The following ASPM variants were observed in gnomAD, a reference collection of about 807,000 sequenced individuals.
ASPM encodes the protein assembly factor for spindle microtubules.
Under a neutral mutation model 366.4 loss-of-function variants are expected in ASPM, and 256 were observed. The ratio of observed to expected loss-of-function variants is 0.70; its 90% CI spans 0.63 to 0.77. The LOEUF (loss-of-function observed/expected upper bound fraction) is 0.77, where lower values mean the gene tolerates loss of function less well. Ranked by LOEUF, ASPM falls within the 30% of genes least tolerant of loss-of-function variation. The pLI is 0.00. For synonymous variants in ASPM, 1,414 were observed against 1,342.9 expected (o/e 1.05, Z -1.16); for missense variants, 4,146 against 4,090.4 (o/e 1.01, Z -0.37).
Position 197,102,145 on chromosome 1 carries a change from T to G in ASPM, c.7106A>C (p.Gln2369Pro), listed in dbSNP as rs372076208. The G allele has an allele frequency of 1.7e-5, 27 of 1,612,896 alleles. No individual in the cohort carries two copies. In the African/African-American group the frequency reaches 3.1e-4, roughly 18 times the overall value. Residue 2369 changes from glutamine (Q) to proline (P), a missense_variant, in exon 18 of 28, where the codon CAA (glutamine) becomes CCA (proline). Coordinates refer to ENST00000367409, the MANE Select transcript of ASPM (RefSeq NM_018136.5). ...QASVVIQQQY[Q>P]ANRAAKLQRQ... is the part of the protein sequence containing the mutation. ...CTGCAGTTTTGCAGCTCTATTTGCTTGGTATTGCTGTTGGATCACAACGGA... is the reference window on the plus strand; with the variant it reads ...CTGCAGTTTTGCAGCTCTATTTGCTGGGTATTGCTGTTGGATCACAACGGA...
chr1:197,124,453 T>TA (rs1259569113), intron 12 of ASPM, 122 bp from the exon 13 acceptor site: 15 of 791,474 alleles, frequency 1.9e-5, no homozygotes, highest in East Asian at 1.6e-4. Context: ...ACCAGGAAGT[T>TA]AAAAAAATCA....
At position 197,102,293 on chromosome 1, in the gene ASPM, A is replaced by G. The variant is rs1427525049; in HGVS notation, c.6958T>C (p.Ser2320Pro). 1.9e-6 allele frequency: 3 copies of G among 1,612,662 alleles called. No homozygotes were observed. The highest frequency in any genetic ancestry group is 2.5e-6 in the Non-Finnish European group (3 of 1,179,272). The change falls in exon 18 of 28, where the codon TCA becomes CCA. Residue 2320 changes from serine (S) to proline (P), a missense_variant. By Grantham distance (74) the Ser-to-Pro change is moderately conservative. This residue lies in a region of ASPM where 3,624 missense variants were observed against 3,591.7 expected (regional missense o/e 1.01). Transcript: ENST00000367409. ...QVQNAVIKIQ[S>P]SYRRWMIRKR... ...CTTATCATCCATCTTCTGTATGATGACTGGATTTTAATAACTGCATTTTGT... is the reference window on the plus strand; with the variant it reads ...CTTATCATCCATCTTCTGTATGATGGCTGGATTTTAATAACTGCATTTTGT...
At chr1:197,107,681 A>G (rs1657455115) in intron 17 of ASPM, among the ~76,000 whole-genome samples, 1 of 152,166 alleles carries the variant, frequency 6.6e-6, no homozygotes. Context: ...GTTGAAACTA[A>G]TGGAAAGATA....
At chr1:197,090,117 A>G (rs1656729912) in intron 24 of ASPM, 33 bp from the exon 25 acceptor site, 1 of 1,613,210 alleles carries the variant, frequency 6.2e-7, no homozygotes, top group East Asian at 2.2e-5. Flanking sequence ...ACACACAGGT[A>G]AATTTACAGC....
At chr1:197,135,623 C>CTTTTTTTTTTTTTTT (rs778898963) in intron 4 of ASPM, among the ~76,000 whole-genome samples, 3 of 69,806 alleles carry the variant, frequency 4.3e-5, no homozygotes, top group African/African-American at 1.1e-4. Flanking sequence ...AAATATCTGT[C>CTTTTTTTTTTTTTTT]TTTTTTTTTT....
At chr1:197,129,413 C>A in intron 8 of ASPM, 96 bp from the exon 9 acceptor site, 2 of 1,374,810 alleles carry the variant, frequency 1.5e-6, no homozygotes, top group Admixed American at 1.9e-5. Flanking sequence ...GTTAGTAAAA[C>A]AAAAAGTGTA....
At chr1:197,114,859 C>T (rs1011890023) in intron 17 of ASPM, among the ~76,000 whole-genome samples, 1 of 152,216 alleles carries the variant, frequency 6.6e-6, no homozygotes, top group Non-Finnish European at 1.5e-5. Flanking sequence ...AGGGATTTGC[C>T]TGCCTCAGCC....
chr1:197,095,480 T>G (rs1435276905), intron 19 of ASPM, among the ~76,000 whole-genome samples: 2 of 151,782 alleles, frequency 1.3e-5, no homozygotes, highest in Non-Finnish European at 2.9e-5. Flanking sequence ...GGTAACAGCT[T>G]CTGAAAATGT....
At chr1:197,097,412 CG>C (rs1243207104) in intron 18 of ASPM, among the ~76,000 whole-genome samples, 2 of 151,634 alleles carry the variant, frequency 1.3e-5, no homozygotes, top group Admixed American at 1.3e-4. Context: ...GATGTTAATC[CG>C]ACTGGGTCGG....
In ASPM at chr1:197,143,738, T is replaced by G; in HGVS notation, c.514A>C (p.Ile172Leu). The change falls in exon 3 of 28, where the codon ATT becomes CTT. Residue 172 changes from isoleucine to leucine, a missense_variant. Physicochemically the swap from Ile to Leu is conservative, Grantham distance 5. This residue lies in a region of ASPM where 512 missense variants were observed against 471.7 expected (regional missense o/e 1.09). Transcript: ENST00000367409. The part of the protein sequence containing the change: ...STSHNRRVSN[I>L]QNVNKTFSVS... The stretch of plus-strand genomic sequence containing the variant: ...CTAAATGTTTTATTAACATTCTGAA[T>G]ATTTGAAACCCTTCTGTTGTGACTT... 1 of 1,613,698 alleles carries G rather than the reference T, an allele frequency of 6.2e-7. No homozygotes were observed. The highest frequency in any genetic ancestry group is 1.1e-5 in the South Asian group (1 of 90,996).
Position 197,142,392 on chromosome 1 carries a change from C to A in ASPM, c.1860G>T (p.Val620=). ...KTSAVKKTKN[V]TTPISKRISN... ...TAATACGTTTTGAGATGGGTGTTGT[C>A]ACATTTTTTGTTTTCTTAACAGCTG... Residue 620 remains valine (V), a synonymous_variant, in exon 3 of 28, where the codon GTG becomes GTT. Coordinates refer to ENST00000367409, the MANE Select transcript of ASPM (RefSeq NM_018136.5). 1 of 1,613,840 alleles carries A rather than the reference C, an allele frequency of 6.2e-7. No homozygotes were observed. Among genetic ancestry groups the A allele is most frequent in the South Asian group, 1.1e-5 (1 of 91,044 alleles).
chr1:197,099,502 TACTC>T (rs1408990565), intron 18 of ASPM, among the ~76,000 whole-genome samples: 1 of 151,726 alleles, frequency 6.6e-6, no homozygotes, highest in Non-Finnish European at 1.5e-5. Context: ...ACTTAAATGT[TACTC>T]ACTCTGGGAA....
At chr1:197,093,970 AAC>A (rs1656879403) in intron 20 of ASPM, 112 bp downstream of exon 20, 2 of 712,034 alleles carry the variant, frequency 2.8e-6, no homozygotes, top group South Asian at 4.0e-5. Flanking sequence ...AGGTCTTAAA[AAC>A]ACTTTTTTTC....
chr1:197,128,552 A>C lies in ASPM; in HGVS notation c.2874T>G (p.Phe958Leu). 1 of 1,613,944 alleles carries C rather than the reference A, an allele frequency of 6.2e-7. No individual in the cohort carries two copies. Residue 958 changes from phenylalanine (F) to leucine (L), a missense_variant, in exon 10 of 28, where the codon TTT becomes TTG. Phe to Leu is a conservative substitution (Grantham distance 22, BLOSUM62 0). Transcript: ENST00000367409. ...GLPVNHVQTP[F>L]DEFDFAVTNL... ...TTGTAACGGCAAAATCAAATTCATCAAATGGTGTCTGAACATGGTTAACAG... is the reference window on the plus strand; with the variant it reads ...TTGTAACGGCAAAATCAAATTCATCCAATGGTGTCTGAACATGGTTAACAG...
chr1:197,110,946 A>T (rs2125099454), intron 17 of ASPM, among the ~76,000 whole-genome samples: 1 of 152,284 alleles, frequency 6.6e-6, no homozygotes, highest in Middle Eastern at 3.4e-3. Flanking sequence ...TGCAAGATGG[A>T]TTAAAGACTT....
chr1:197,122,450 A>C lies in ASPM; in HGVS notation c.3536T>G (p.Leu1179Ter). The change falls in exon 14 of 28, where the codon TTA becomes TGA. Residue 1179 changes from leucine (L) to a stop codon, truncating the protein, a stop_gained. Coordinates refer to ENST00000367409, the MANE Select transcript of ASPM (RefSeq NM_018136.5). LOFTEE classifies it high-confidence loss of function. Reference protein sequence around the residue: ...VECTQTGSVVLNSSSESDDSS... With the variant: ...VECTQTGSVV Reference sequence around the variant, plus strand: ...GTCATCAGATTCAGATGATGAATTTAATACCACTGAACCAGTTTGCGTACA... The same window carrying C: ...GTCATCAGATTCAGATGATGAATTTCATACCACTGAACCAGTTTGCGTACA... 1 of 1,613,896 alleles carries C rather than the reference A, an allele frequency of 6.2e-7. No homozygotes were observed. The highest frequency in any genetic ancestry group is 8.5e-7 in the Non-Finnish European group (1 of 1,179,820).
intron 17 of ASPM, among the ~76,000 whole-genome samples, chr1:197,116,378 T>C (rs993526480): frequency 5.3e-5 from 8 of 152,162 alleles, no homozygotes; most frequent in African/African-American, 1.7e-4. Flanking sequence ...ATTACCATAA[T>C]AGATGTAGTA....
intron 4 of ASPM, among the ~76,000 whole-genome samples, chr1:197,136,424 C>A (rs891509840): frequency 6.6e-6 from 1 of 151,974 alleles, no homozygotes; most frequent in Non-Finnish European, 1.5e-5. Flanking sequence ...AAGGCAAATG[C>A]ATAAAATGTA....
chr1:197,142,118 C>A (rs1658603450), intron 3 of ASPM, among the ~76,000 whole-genome samples: 1 of 152,102 alleles, frequency 6.6e-6, no homozygotes, highest in Non-Finnish European at 1.5e-5. Context: ...AATTTGTTAT[C>A]TGATCAGAAC....
Sources: allele counts gnomAD v4.1 joint callset (sites outside exome capture counted in the v4.1 genomes callset), GRCh38; gene constraint gnomAD v4.1.1; regional missense constraint gnomAD v4.1.1; transcripts MANE v1.5; gene names NCBI Gene and HGNC (gene_info 2026-07-23, HGNC 2026-07-21).